SLC25A21: variants seen among roughly 807,000 people sequenced by gnomAD.
The protein encoded by SLC25A21 is mitochondrial 2-oxodicarboxylate carrier.
In SLC25A21, 47 loss-of-function variants were observed where a neutral mutation model predicts 43.8. That is an observed-to-expected ratio of 1.07 (90% CI 0.85 to 1.37). The LOEUF is 1.37. Ranked by LOEUF, SLC25A21 falls within the 40% of genes most tolerant of loss-of-function variation. The pLI is 0.00. For missense variants in SLC25A21, 352 were observed against 350.2 expected (o/e 1.00, Z -0.04); for synonymous variants, 131 against 121.3 (o/e 1.08, Z -0.52).
intron 3 of SLC25A21, among the ~76,000 whole-genome samples, chr14:36,757,464 T>C (rs951618380): frequency 6.6e-6 from 1 of 152,220 alleles, no homozygotes; most frequent in East Asian, 1.9e-4. Context: ...CTTCTGGAAA[T>C]TAAAAAAAAT....
intron 1 of SLC25A21, among the ~76,000 whole-genome samples, chr14:36,911,036 A>G (rs1441248017): frequency 6.6e-6 from 1 of 152,194 alleles, no homozygotes; most frequent in Non-Finnish European, 1.5e-5. Context: ...GCATCATCAT[A>G]CCACAGATTT....
intron 6 of SLC25A21, among the ~76,000 whole-genome samples, chr14:36,716,613 T>G (rs919816952): frequency 5.3e-5 from 8 of 152,182 alleles, no homozygotes; most frequent in African/African-American, 1.9e-4. Flanking sequence ...CAGGCACCAC[T>G]CTGGGGCACT....
chr14:36,819,171 T>G (rs890510151), intron 2 of SLC25A21, among the ~76,000 whole-genome samples: 1 of 152,130 alleles, frequency 6.6e-6, no homozygotes, highest in Non-Finnish European at 1.5e-5. Context: ...TAGGCTGCAT[T>G]GCAAAGGAGC....
intron 3 of SLC25A21, among the ~76,000 whole-genome samples, chr14:36,780,791 T>C (rs1016907193): frequency 6.6e-6 from 1 of 152,104 alleles, no homozygotes; most frequent in Non-Finnish European, 1.5e-5. Context: ...GAAGAATGTG[T>C]ATTTTGCTGC....
At chr14:36,752,330 C>G (rs936683965) in intron 3 of SLC25A21, among the ~76,000 whole-genome samples, 1 of 152,194 alleles carries the variant, frequency 6.6e-6, no homozygotes, top group African/African-American at 2.4e-5. Context: ...CCATGGAAAA[C>G]AGCGTGGAGG....
chr14:37,049,514 G>A (rs893672068), intron 1 of SLC25A21, among the ~76,000 whole-genome samples: 1 of 152,140 alleles, frequency 6.6e-6, no homozygotes, highest in African/African-American at 2.4e-5. Flanking sequence ...CGAGGCTGCA[G>A]TGAGCTGTGA....
chr14:36,702,398 G>A (rs972687456), intron 7 of SLC25A21, among the ~76,000 whole-genome samples: 5 of 144,940 alleles, frequency 3.4e-5, no homozygotes, highest in African/African-American at 7.6e-5. Flanking sequence ...CAGCACTTTG[G>A]TAGGCCGAGG....
At chr14:36,706,513 C>A (rs74044941) in intron 7 of SLC25A21, among the ~76,000 whole-genome samples, 27,293 of 152,044 alleles carry the variant, frequency 0.18, 6,785 homozygotes, top group African/African-American at 0.56. Context: ...ACATCCAACC[C>A]ACGGACTTAA....
intron 7 of SLC25A21, among the ~76,000 whole-genome samples, chr14:36,694,986 G>C (rs1007222965): frequency 5.3e-5 from 8 of 152,152 alleles, no homozygotes; most frequent in African/African-American, 1.9e-4. Context: ...CCTTGCCCAT[G>C]CCTGTGTCCT....
At chr14:36,958,096 T>C (rs1215751137) in intron 1 of SLC25A21, among the ~76,000 whole-genome samples, 1 of 152,010 alleles carries the variant, frequency 6.6e-6, no homozygotes, top group Non-Finnish European at 1.5e-5. Context: ...CCATTAGGCC[T>C]TTATCATACA....
chr14:37,172,238 G>A (rs748101458), intron 1 of SLC25A21, 43 bp downstream of exon 1: 138 of 1,545,148 alleles, frequency 8.9e-5, no homozygotes, highest in Non-Finnish European at 1.1e-4. Flanking sequence ...ACGCGGTGGG[G>A]AAAGCGACTA....
intron 1 of SLC25A21, among the ~76,000 whole-genome samples, chr14:37,111,883 A>G (rs1197179831): frequency 6.6e-6 from 1 of 152,214 alleles, no homozygotes; most frequent in Admixed American, 6.5e-5. Flanking sequence ...TTTCTAATGG[A>G]AAACTAGTAT....
chr14:37,075,994 AC>A (rs1962273334), intron 1 of SLC25A21, among the ~76,000 whole-genome samples: 1 of 152,214 alleles, frequency 6.6e-6, no homozygotes, highest in Non-Finnish European at 1.5e-5. Flanking sequence ...GAGGATGGGC[AC>A]CTGCCCTGGA....
rs79741642 is a variant in SLC25A21, at chr14:36,921,033, C to T, written c.71-46029G>A. 2.5e-3 allele frequency among the ~76,000 whole-genome samples: 383 copies of T among 152,248 alleles called. 6 individuals are homozygous for T. In the East Asian group the frequency reaches 0.051, roughly 20 times the overall value. ...TATTGATTCATGATTTACAATCAAT[C>T]ATATGGGAGGGTGGATCTCTTTGCT... On this transcript the variant is annotated intron_variant, in intron 1 of 9. Coordinates refer to ENST00000331299, the MANE Select transcript of SLC25A21 (RefSeq NM_030631.4).
intron 1 of SLC25A21, among the ~76,000 whole-genome samples, chr14:37,068,112 C>T (rs373938029): frequency 1.2e-4 from 18 of 152,316 alleles, no homozygotes; most frequent in African/African-American, 4.1e-4. Flanking sequence ...GAACACAGGC[C>T]GCGACAGCAG....
At chr14:37,011,887 T>TG in intron 1 of SLC25A21, among the ~76,000 whole-genome samples, 1 of 152,036 alleles carries the variant, frequency 6.6e-6, no homozygotes, top group East Asian at 1.9e-4. Flanking sequence ...CATCCCTTTT[T>TG]ATAGACTTTT....
Position 37,094,984 on chromosome 14 carries a change from AAAGT to A in SLC25A21, c.70+77293_70+77296del, listed in dbSNP as rs1213212018. Among the ~76,000 whole-genome samples, 6 of 152,218 alleles carry A rather than the reference AAAGT, an allele frequency of 3.9e-5. No individual in the cohort carries two copies. The East Asian group carries it at 5.8e-4, about 15-fold the overall frequency. On this transcript the variant is annotated intron_variant, in intron 1 of 9. Transcript: ENST00000331299. ...GTATTCTCACCACACACACAAAAAAAAAGTAAGTATGTGAAATGATATATATGTT... is the reference window on the plus strand; with the variant it reads ...GTATTCTCACCACACACACAAAAAAAAAGTATGTGAAATGATATATATGTT...
intron 6 of SLC25A21, among the ~76,000 whole-genome samples, chr14:36,724,100 A>G (rs1235682519): frequency 6.6e-6 from 1 of 152,202 alleles, no homozygotes; most frequent in East Asian, 1.9e-4. Flanking sequence ...GTTCCGCACC[A>G]TCTTTTTCGT....
Position 36,745,453 on chromosome 14 carries a change from CCCA to C in SLC25A21, c.204-10883_204-10881del, listed in dbSNP as rs565672239. Among the ~76,000 whole-genome samples, 72 of 152,258 alleles carry C rather than the reference CCCA, an allele frequency of 4.7e-4. 1 individual carries two copies. The East Asian group carries it at 0.011, about 22-fold the overall frequency. On this transcript the variant is annotated intron_variant, in intron 3 of 9. Transcript: ENST00000331299. ...CACAATGGTTGAACTAATTTACACT[CCCA>C]CCAACAGTGTAAAAGCGTTCCTATT...
Sources: gnomAD v4.1 joint callset for allele counts (sites outside exome capture counted in the v4.1 genomes callset) on GRCh38, gnomAD v4.1.1 for gene constraint, MANE v1.5 for transcripts, NCBI Gene and HGNC (gene_info 2026-07-23, HGNC 2026-07-21) for gene names.